Variants in MOCS2 observed in about 807,000 individuals in gnomAD.
MOCS2 encodes molybdenum cofactor synthesis 2.
A neutral mutation model predicts 21.9 loss-of-function variants in MOCS2; 13 were observed. The ratio of observed to expected loss-of-function variants is 0.59; its 90% CI spans 0.39 to 0.94. The LOEUF (loss-of-function observed/expected upper bound fraction) is 0.94, where lower values mean the gene tolerates loss of function less well. Among genes scored for constraint, MOCS2 ranks in the 40% least tolerant of loss-of-function variants. The pLI is 0.00. For synonymous variants in MOCS2, 92 were observed against 80.8 expected (o/e 1.14, Z -0.74); for missense variants, 227 against 218.3 (o/e 1.04, Z -0.25).
At chr5:53,104,278 C>A (rs1042745128) in intron 3 of MOCS2, among the ~76,000 whole-genome samples, 2 of 152,194 alleles carry the variant, frequency 1.3e-5, no homozygotes, top group African/African-American at 2.4e-5. Flanking sequence ...TAAATATGGT[C>A]TACGAGTTTC....
In MOCS2 at chr5:53,109,508, G is replaced by C. The variant is rs550668704; in HGVS notation, c.-427C>G. The stretch of plus-strand genomic sequence containing the variant: ...AGTTCTCGGAGAGGACCCGACTTCT[G>C]CTGGGGCAGTCGCAGTAAAGCCCGG... On this transcript the variant is annotated 5_prime_UTR_variant, in exon 1 of 7. Transcript: ENST00000396954. The C allele has an allele frequency of 1.5e-6, 2 of 1,366,078 alleles. No homozygotes were observed. Among genetic ancestry groups the C allele is most frequent in the South Asian group, 3.6e-5 (2 of 55,388 alleles). The allele number at this position is 1,366,078 out of a possible 1,614,324, so 84.6% of individuals were successfully genotyped here.
chr5:53,100,278 A>G, intron 6 of MOCS2, 133 bp downstream of exon 6: 1 of 1,023,406 alleles, frequency 9.8e-7, no homozygotes. Flanking sequence ...AATCTTGGAA[A>G]GAAGATATTT....
rs1420692521 is a variant in MOCS2, at chr5:53,109,639, G to C, written c.-558C>G. 3.2e-6 allele frequency: 5 copies of C among 1,544,668 alleles called. No individual in the cohort carries two copies. Among genetic ancestry groups the C allele is most frequent in the Non-Finnish European group, 3.5e-6 (4 of 1,143,984 alleles). On this transcript the variant is annotated 5_prime_UTR_variant, in exon 1 of 7. Transcript: ENST00000396954. ...CCGACTGACCAAGGCTGGGTATGTG[G>C]AGGGAAAGGGCGGGAGAGACACGTC...
chr5:53,099,397 T>C (rs76525944), intron 6 of MOCS2, among the ~76,000 whole-genome samples: 21,415 of 152,158 alleles, frequency 0.14, 1,619 homozygotes, highest in Middle Eastern at 0.2. Context: ...ACCCCTGCCT[T>C]CCAGGCTTGC....
In MOCS2 at chr5:53,109,563, G is replaced by GGGCGCCCCC; in HGVS notation, c.-491_-483dup. ...AGGAAGGGCCCGGGGGCGGGGGCGG[G>GGGCGCCCCC]GGCGCCCCCGAACCCAAGACGCCGG... On this transcript the variant is annotated 5_prime_UTR_variant, in exon 1 of 7. Coordinates refer to ENST00000396954, the MANE Select transcript of MOCS2 (RefSeq NM_004531.5). 7.1e-7 allele frequency: 1 copy of GGGCGCCCCC among 1,407,430 alleles called. No homozygotes were observed. The highest frequency in any genetic ancestry group is 9.3e-7 in the Non-Finnish European group (1 of 1,080,286). The allele number at this position is 1,407,430 out of a possible 1,614,324, so 87.2% of individuals were successfully genotyped here.
intron 5 of MOCS2, 96 bp from the exon 6 acceptor site, chr5:53,100,630 G>A: frequency 7.7e-7 from 1 of 1,304,684 alleles, no homozygotes; most frequent in Non-Finnish European, 1.1e-6. Flanking sequence ...CAGGTATGCA[G>A]TCTTAGAATT....
intron 6 of MOCS2, 118 bp downstream of exon 6, chr5:53,100,293 G>C: frequency 1.7e-6 from 2 of 1,164,774 alleles, no homozygotes; most frequent in Non-Finnish European, 2.5e-6. Context: ...ATATTTCACA[G>C]ATAAAGAAAA....
At position 53,096,958 on chromosome 5, in the gene MOCS2, A is replaced by T. The variant is rs1740754372; in HGVS notation, c.*1644T>A. The T allele has an allele frequency of 2.0e-5, 3 of 152,208 alleles. No homozygotes were observed. Among genetic ancestry groups the T allele is most frequent in the Non-Finnish European group, 4.4e-5 (3 of 68,046 alleles). The allele number at this position is 152,208 out of a possible 1,614,324, so 9.4% of individuals were successfully genotyped here. A position where few individuals can be genotyped will look rare whatever the true frequency, so the allele number is the denominator to read the frequency against. On this transcript the variant is annotated 3_prime_UTR_variant, in exon 7 of 7. Coordinates refer to ENST00000396954, the MANE Select transcript of MOCS2 (RefSeq NM_004531.5). Reference sequence around the variant, plus strand: ...CATCCATTTAACAACCTATGTCCAAAATCCTAGAAATGTCCAGTGACCCAG... The same window carrying T: ...CATCCATTTAACAACCTATGTCCAATATCCTAGAAATGTCCAGTGACCCAG...
At chr5:53,099,649 G>C (rs1740852514) in intron 6 of MOCS2, among the ~76,000 whole-genome samples, 1 of 152,192 alleles carries the variant, frequency 6.6e-6, no homozygotes, top group Admixed American at 6.5e-5. Context: ...ACCACTGACT[G>C]AGGCAGGTCC....
In MOCS2 at chr5:53,109,539, G is replaced by A. The variant is rs1561178781; in HGVS notation, c.-458C>T. 6.8e-6 allele frequency: 9 copies of A among 1,326,472 alleles called. No individual in the cohort carries two copies. Among genetic ancestry groups the A allele is most frequent in the Middle Eastern group, 2.7e-4 (1 of 3,666 alleles). The allele number at this position is 1,326,472 out of a possible 1,614,324, so 82.2% of individuals were successfully genotyped here. A position where few individuals can be genotyped will look rare whatever the true frequency, so the allele number is the denominator to read the frequency against. On this transcript the variant is annotated 5_prime_UTR_variant, in exon 1 of 7. Transcript: ENST00000396954. Reference sequence around the variant, plus strand: ...GCAGTCGCAGTAAAGCCCGGAGACAGGAAGGGCCCGGGGGCGGGGGCGGGG... The same window carrying A: ...GCAGTCGCAGTAAAGCCCGGAGACAAGAAGGGCCCGGGGGCGGGGGCGGGG...
intron 5 of MOCS2, 33 bp downstream of exon 5, chr5:53,101,326 A>G (rs1411222539): frequency 6.2e-7 from 1 of 1,602,430 alleles, no homozygotes. Flanking sequence ...AAACAATTAC[A>G]CTTAACTTTT....
rs1308752706 is a variant in MOCS2 at position 53,095,901 on chromosome 5, A to C, written c.*2701T>G. 6.6e-6 allele frequency: 1 copy of C among 152,188 alleles called. No individual in the cohort carries two copies. The highest frequency in any genetic ancestry group is 6.5e-5 in the Admixed American group (1 of 15,274). The allele number at this position is 152,188 out of a possible 1,614,324, so 9.4% of individuals were successfully genotyped here. On this transcript the variant is annotated 3_prime_UTR_variant, in exon 7 of 7. Coordinates refer to ENST00000396954, the MANE Select transcript of MOCS2 (RefSeq NM_004531.5). ...TTTTCAAAAACTCCTTCCTGATCCT[A>C]TCATAATCTTTTAATATTTTTAAGG...
chr5:53,109,625 AGGCTGGGTATGTGGAG>A lies in MOCS2; in HGVS notation c.-560_-545del, dbSNP rs1741154325. 5 of 1,537,134 alleles carry A rather than the reference AGGCTGGGTATGTGGAG, an allele frequency of 3.3e-6. No individual in the cohort carries two copies. In the African/African-American group the frequency reaches 5.5e-5, roughly 17 times the overall value. On this transcript the variant is annotated 5_prime_UTR_variant, in exon 1 of 7. It removes the in-frame stop codon of an upstream open reading frame in the 5' UTR. Coordinates refer to ENST00000396954, the MANE Select transcript of MOCS2 (RefSeq NM_004531.5). ...GCTAGTGGGGAGGTCCGACTGACCA[AGGCTGGGTATGTGGAG>A]GGAAAGGGCGGGAGAGACACGTCGA... is the stretch of plus-strand genomic sequence containing the variant.
chr5:53,098,791 C>A, intron 6 of MOCS2, 124 bp from the exon 7 acceptor site: 1 of 762,228 alleles, frequency 1.3e-6, no homozygotes, highest in Non-Finnish European at 2.3e-6. Flanking sequence ...TTTTAACAAT[C>A]ATGACGAGAG....
chr5:53,104,584 A>G (rs3797468), intron 3 of MOCS2, among the ~76,000 whole-genome samples: 21,658 of 152,158 alleles, frequency 0.14, 1,647 homozygotes, highest in Middle Eastern at 0.2. Context: ...TGAGATACAT[A>G]TCTGACAAGA....
intron 3 of MOCS2, among the ~76,000 whole-genome samples, chr5:53,106,242 T>C (rs1202944296): frequency 1.3e-5 from 2 of 152,318 alleles, no homozygotes; most frequent in Non-Finnish European, 2.9e-5. Flanking sequence ...TAAAGACACA[T>C]GCACACGTCT....
Position 53,101,486 on chromosome 5 carries a change from C to T in MOCS2, c.250G>A (p.Gly84Arg), listed in dbSNP as rs1740906148. The T allele has an allele frequency of 6.2e-7, 1 of 1,607,592 alleles. No individual in the cohort carries two copies. The highest frequency in any genetic ancestry group is 1.7e-4 in the Middle Eastern group (1 of 6,050). The change falls in exon 5 of 7, where the codon GGG becomes AGG. Residue 84 changes from glycine (G) to arginine (R), a missense_variant. Transcript: ENST00000396954. ...TATTCTAAGCTAATGACTTTTTTCCCTTCAAAGTTATTTCTTGTAGTCCCT... is the reference window on the plus strand; with the variant it reads ...TATTCTAAGCTAATGACTTTTTTCCTTTCAAAGTTATTTCTTGTAGTCCCT... Reference protein sequence around the residue: ...FVGTTRNNFEGKKVISLEYEA... With the variant: ...FVGTTRNNFERKKVISLEYEA...
chr5:53,104,753 C>T (rs1320101313), intron 3 of MOCS2, among the ~76,000 whole-genome samples: 1 of 152,138 alleles, frequency 6.6e-6, no homozygotes, highest in African/African-American at 2.4e-5. Context: ...GCATCCTTGG[C>T]TTGCTCCTTT....
intron 3 of MOCS2, among the ~76,000 whole-genome samples, chr5:53,106,407 A>T (rs1365222741): frequency 6.6e-6 from 1 of 152,198 alleles, no homozygotes; most frequent in Non-Finnish European, 1.5e-5. Context: ...AGGGACATGG[A>T]TGGAGCTAGA....
Sources: gnomAD v4.1 joint callset for allele counts (sites outside exome capture counted in the v4.1 genomes callset) on GRCh38, gnomAD v4.1.1 for gene constraint, MANE v1.5 for transcripts, NCBI Gene and HGNC (gene_info 2026-07-23, HGNC 2026-07-21) for gene names.